The following NRXN1 variants were observed in gnomAD, a reference collection of about 807,000 sequenced individuals.
The protein encoded by NRXN1 is neurexin-1.
Under a neutral mutation model 150.9 loss-of-function variants are expected in NRXN1, and 39 were observed. That is an observed-to-expected ratio of 0.26 (90% CI 0.20 to 0.34). The LOEUF is 0.34. Among genes scored for constraint, NRXN1 ranks in the 10% least tolerant of loss-of-function variants. The pLI, the probability that NRXN1 is intolerant of heterozygous loss-of-function variation, is 1.00. For missense variants in NRXN1, 1,815 were observed against 1,949.9 expected, an observed-to-expected ratio of 0.93 and a Z score of 1.30; for synonymous variants, 924 against 757.0, an observed-to-expected ratio of 1.22 and a Z score of -3.62.
Position 50,472,317 on chromosome 2 carries a change from C to A in NRXN1, c.3225G>T (p.Gln1075His). 6.2e-7 allele frequency: 1 copy of A among 1,605,024 alleles called. No homozygotes were observed. Among genetic ancestry groups the A allele is most frequent in the South Asian group, 1.1e-5 (1 of 89,692 alleles). Residue 1075 changes from glutamine (Q) to histidine (H), a missense_variant, in exon 16 of 23, where the codon CAG (glutamine) becomes CAT (histidine). Coordinates refer to ENST00000401669, the MANE Select transcript of NRXN1 (RefSeq NM_001330078.2). ...LISDALFCNGQIERGCEGPST... is the reference protein window; with the variant it reads ...LISDALFCNGHIERGCEGPST... ...TAATACCTTCACATCCTCTCTCGAT[C>A]TGTCCGTTGCAGAAAAGAGCATCGG...
intron 1 of NRXN1, among the ~76,000 whole-genome samples, chr2:51,030,611 A>G (rs961508592): frequency 6.6e-6 from 1 of 152,052 alleles, no homozygotes; most frequent in Non-Finnish European, 1.5e-5. Flanking sequence ...CACTAGCAAA[A>G]GGAAATAAAA....
In NRXN1 at chr2:50,151,606, TA is replaced by T. The variant is rs367744671; in HGVS notation, c.3547-60113del. ...GCTCCAAAGCTTTAAAACAAGCAAA[TA>T]AAAAAAAATCAATAAATAATATGGG... On this transcript the variant is annotated intron_variant, in intron 18 of 22. Transcript: ENST00000401669. Among the ~76,000 whole-genome samples, 227 of 150,572 alleles carry T rather than the reference TA, an allele frequency of 1.5e-3. 1 individual carries two copies. Among genetic ancestry groups the T allele is most frequent in the African/African-American group, 2.5e-3 (102 of 41,092 alleles).
intron 21 of NRXN1, among the ~76,000 whole-genome samples, chr2:50,050,644 T>G (rs902867588): frequency 6.6e-6 from 1 of 152,070 alleles, no homozygotes; most frequent in African/African-American, 2.4e-5. Context: ...AAATTAACAT[T>G]AGAAATTTAT....
intron 18 of NRXN1, among the ~76,000 whole-genome samples, chr2:50,222,182 A>T (rs758784509): frequency 6.6e-6 from 1 of 152,010 alleles, no homozygotes; most frequent in Non-Finnish European, 1.5e-5. Flanking sequence ...ATTTTACTGA[A>T]AAGAGCCGCA....
intron 5 of NRXN1, among the ~76,000 whole-genome samples, chr2:50,686,802 C>T (rs778470253): frequency 1.2e-4 from 19 of 152,184 alleles, no homozygotes; most frequent in African/African-American, 2.9e-4. Flanking sequence ...TGGAAATGCA[C>T]GGTGATGGGT....
chr2:50,529,384 T>C (rs2093039484), intron 11 of NRXN1, among the ~76,000 whole-genome samples: 1 of 152,194 alleles, frequency 6.6e-6, no homozygotes, highest in Admixed American at 6.6e-5. Context: ...GTTCCCTTGA[T>C]TTTCCTTTCT....
At chr2:50,953,809 C>T (rs7576942) in intron 2 of NRXN1, among the ~76,000 whole-genome samples, 22,038 of 152,056 alleles carry the variant, frequency 0.14, 1,670 homozygotes, top group Non-Finnish European at 0.16. Flanking sequence ...GATCCACCTG[C>T]CTCGGTCTCC....
intron 21 of NRXN1, among the ~76,000 whole-genome samples, chr2:50,012,086 A>AT (rs902697463): frequency 2.0e-5 from 3 of 152,062 alleles, no homozygotes; most frequent in African/African-American, 7.2e-5. Flanking sequence ...AGTATTCTGG[A>AT]TTTTCCCCCC....
At chr2:50,868,007 T>C (rs1266317018) in intron 5 of NRXN1, among the ~76,000 whole-genome samples, 2 of 151,392 alleles carry the variant, frequency 1.3e-5, no homozygotes, top group Admixed American at 6.6e-5. Context: ...GATTCATTAC[T>C]ATTTCTTTTA....
At position 51,027,644 on chromosome 2, in the gene NRXN1, G is replaced by T. The variant is rs774677436; in HGVS notation, c.630C>A (p.Asn210Lys). Reference protein sequence around the residue: ...GEVKLDDEPPNSGGGSPCEAG... With the variant: ...GEVKLDDEPPKSGGGSPCEAG... ...CCTCGCACGGGCTTCCCCCGCCGCT[G>T]TTGGGCGGCTCATCGTCCAGCTTCA... The change falls in exon 2 of 23, where the codon AAC becomes AAA. Residue 210 changes from asparagine (N) to lysine (K), a missense_variant. Transcript: ENST00000401669. The T allele has an allele frequency of 1.2e-5, 19 of 1,599,662 alleles. No individual in the cohort carries two copies. Among genetic ancestry groups the T allele is most frequent in the Non-Finnish European group, 1.5e-5 (18 of 1,173,358 alleles).
chr2:49,959,511 A>G (rs967483852), intron 21 of NRXN1, among the ~76,000 whole-genome samples: 1 of 152,180 alleles, frequency 6.6e-6, no homozygotes, highest in African/African-American at 2.4e-5. Flanking sequence ...AAGCCCTGGT[A>G]CAGGTTATGG....
At chr2:51,012,213 A>C (rs1360049539) in intron 2 of NRXN1, among the ~76,000 whole-genome samples, 1 of 152,038 alleles carries the variant, frequency 6.6e-6, no homozygotes, top group Admixed American at 6.6e-5. Flanking sequence ...GTATTTATTA[A>C]TCTAAAGTCT....
At position 49,995,882 on chromosome 2, in the gene NRXN1, AAG is replaced by A. The variant is rs1491024219; in HGVS notation, c.4129-52093_4129-52092del. On this transcript the variant is annotated intron_variant, in intron 21 of 22. Transcript: ENST00000401669. Reference sequence around the variant, plus strand: ...ATAGTAAAAAAAAAAAAAAAAAAAAAAGAAAAAAGGATTTAGAGAGCCTAAGT... The same window carrying A: ...ATAGTAAAAAAAAAAAAAAAAAAAAAAAAAAAGGATTTAGAGAGCCTAAGT... Among the ~76,000 whole-genome samples, 367 of 49,172 alleles carry A rather than the reference AAG, an allele frequency of 7.5e-3. 20 individuals are homozygous for A. Among genetic ancestry groups the A allele is most frequent in the Non-Finnish European group, 0.013 (229 of 17,442 alleles). The allele number at this position is 49,172 out of a possible 152,430, so 32.3% of individuals were successfully genotyped here. A position where few individuals can be genotyped will look rare whatever the true frequency, so the allele number is the denominator to read the frequency against.
chr2:50,776,297 C>T (rs1415097006), intron 5 of NRXN1, among the ~76,000 whole-genome samples: 2 of 151,954 alleles, frequency 1.3e-5, no homozygotes, highest in Admixed American at 1.3e-4. Context: ...ATATTTTCTG[C>T]TGGATTTAAG....
intron 8 of NRXN1, among the ~76,000 whole-genome samples, chr2:50,566,446 G>T (rs1487853269): frequency 6.8e-6 from 1 of 148,122 alleles, no homozygotes; most frequent in Non-Finnish European, 1.5e-5. Context: ...ATAGATACAG[G>T]GTTTCGCTAT....
chr2:50,043,634 C>T (rs1218262277), intron 21 of NRXN1, among the ~76,000 whole-genome samples: 1 of 152,174 alleles, frequency 6.6e-6, no homozygotes, highest in Non-Finnish European at 1.5e-5. Flanking sequence ...TACTCAGGGA[C>T]AGCTGATGCA....
At chr2:49,962,474 G>A (rs1241041101) in intron 21 of NRXN1, among the ~76,000 whole-genome samples, 1 of 152,170 alleles carries the variant, frequency 6.6e-6, no homozygotes, top group Non-Finnish European at 1.5e-5. Flanking sequence ...AATATGTAAT[G>A]CCTGAAACTA....
At chr2:50,712,944 T>A (rs1695372917) in intron 5 of NRXN1, among the ~76,000 whole-genome samples, 1 of 152,204 alleles carries the variant, frequency 6.6e-6, no homozygotes, top group Non-Finnish European at 1.5e-5. Flanking sequence ...GGAAATGATA[T>A]CATTTACATA....
chr2:50,121,935 A>G (rs1413629778), intron 18 of NRXN1, among the ~76,000 whole-genome samples: 1 of 152,224 alleles, frequency 6.6e-6, no homozygotes, highest in Non-Finnish European at 1.5e-5. Context: ...AGAAGGACAT[A>G]CTAAATAAAC....
Sources: gnomAD v4.1 joint callset for allele counts (sites outside exome capture counted in the v4.1 genomes callset) on GRCh38, gnomAD v4.1.1 for gene constraint, MANE v1.5 for transcripts, NCBI Gene and HGNC (gene_info 2026-07-23, HGNC 2026-07-21) for gene names.